Variants in GRM7 observed in about 807,000 individuals in gnomAD.
GRM7 encodes the protein glutamate metabotropic receptor 7.
GRM7 carries 35 observed loss-of-function variants against 84.5 expected under a neutral mutation model. That is an observed-to-expected ratio of 0.41 (90% confidence interval 0.32 to 0.55). The LOEUF (loss-of-function observed/expected upper bound fraction) is 0.55. GRM7 is among the 20% of genes least tolerant of loss of function. The probability of loss-of-function intolerance (pLI) is 0.19; values close to 1 mark genes in which losing one functional copy is unlikely to be tolerated. For missense variants in GRM7, 1,003 were observed against 1,194.6 expected (o/e 0.84, Z 2.36); for synonymous variants, 487 against 455.1 (o/e 1.07, Z -0.89).
chr3:7,481,728 G>A (rs1699136344), intron 7 of GRM7, among the ~76,000 whole-genome samples: 1 of 152,174 alleles, frequency 6.6e-6, no homozygotes, highest in Non-Finnish European at 1.5e-5. Flanking sequence ...TATTAATGTG[G>A]ATATTAAATG....
At chr3:6,956,988 T>C (rs1693079651) in intron 1 of GRM7, among the ~76,000 whole-genome samples, 1 of 152,212 alleles carries the variant, frequency 6.6e-6, no homozygotes, top group Non-Finnish European at 1.5e-5. Context: ...ATGCTGAATA[T>C]CTAAAAATAG....
In GRM7 at chr3:7,151,622, T is replaced by A. The variant is rs1261004664; in HGVS notation, c.736+4954T>A. On this transcript the variant is annotated intron_variant, in intron 2 of 9. Coordinates refer to ENST00000357716, the MANE Select transcript of GRM7 (RefSeq NM_000844.4). This position sits in a 1 kb window ranked among gnomAD's most constrained non-coding sequence, Gnocchi z 4.5. Reference sequence around the variant, plus strand: ...CCTGTGTTTCTATTATCTAAGATAATTCCTAGTACATAGAAAGCAGTCAAT... The same window carrying A: ...CCTGTGTTTCTATTATCTAAGATAAATCCTAGTACATAGAAAGCAGTCAAT... 6.6e-6 allele frequency among the ~76,000 whole-genome samples: 1 copy of A among 152,196 alleles called. No homozygotes were observed. Among genetic ancestry groups the A allele is most frequent in the East Asian group, 1.9e-4 (1 of 5,198 alleles).
chr3:6,875,800 G>C (rs1332619738), intron 1 of GRM7, among the ~76,000 whole-genome samples: 2 of 152,156 alleles, frequency 1.3e-5, no homozygotes, highest in African/African-American at 4.8e-5. Context: ...TGGTTTTCTA[G>C]AAAAGTAACA....
intron 2 of GRM7, among the ~76,000 whole-genome samples, chr3:7,264,820 G>A (rs1309647070): frequency 2.0e-5 from 3 of 151,656 alleles, no homozygotes; most frequent in African/African-American, 7.3e-5. Flanking sequence ...AGGCCACAAA[G>A]ACTACACCAG....
chr3:7,165,993 A>G (rs9834555), intron 2 of GRM7, among the ~76,000 whole-genome samples: 36,656 of 152,150 alleles, frequency 0.24, 5,111 homozygotes, highest in African/African-American at 0.39. Context: ...CTTGACTTTC[A>G]TCAATATGAA....
chr3:7,665,576 T>C (rs1018655388), intron 8 of GRM7, among the ~76,000 whole-genome samples: 3 of 152,322 alleles, frequency 2.0e-5, no homozygotes, highest in East Asian at 1.9e-4. Flanking sequence ...CAGTTCCCTT[T>C]AGAAATACTT....
intron 1 of GRM7, among the ~76,000 whole-genome samples, chr3:6,878,378 C>CATGTGTGTGTGTGTGT (rs58886076): frequency 4.2e-4 from 60 of 142,054 alleles, no homozygotes; most frequent in African/African-American, 1.5e-3. Flanking sequence ...TATGTGTTTG[C>CATGTGTGTGTGTGTGT]GTGTGTGTGT....
intron 1 of GRM7, among the ~76,000 whole-genome samples, chr3:6,978,989 A>C (rs762028429): frequency 6.6e-6 from 1 of 152,156 alleles, no homozygotes; most frequent in Non-Finnish European, 1.5e-5. Context: ...GAGAGTGTAT[A>C]CATGTTTCAG....
intron 5 of GRM7, among the ~76,000 whole-genome samples, chr3:7,446,466 T>C (rs1441560625): frequency 9.5e-6 from 1 of 104,792 alleles, no homozygotes; most frequent in Non-Finnish European, 1.9e-5. Context: ...TTTTTTTTGT[T>C]TTTTTTTTTT....
intron 8 of GRM7, among the ~76,000 whole-genome samples, chr3:7,661,280 A>G (rs1040783244): frequency 2.4e-4 from 36 of 152,232 alleles, no homozygotes; most frequent in Non-Finnish European, 1.0e-4. Context: ...GTAAAAAACA[A>G]CTGGGCAAAA....
chr3:6,956,139 A>G (rs1024138133), intron 1 of GRM7, among the ~76,000 whole-genome samples: 3 of 152,172 alleles, frequency 2.0e-5, no homozygotes, highest in African/African-American at 7.2e-5. Flanking sequence ...AACACATACA[A>G]CTAGCTTATT....
At chr3:7,475,361 G>A (rs550023992) in intron 7 of GRM7, among the ~76,000 whole-genome samples, 2 of 152,282 alleles carry the variant, frequency 1.3e-5, no homozygotes, top group East Asian at 3.9e-4. Context: ...AAGGTAACTG[G>A]CTTTTGGAAA....
intron 4 of GRM7, among the ~76,000 whole-genome samples, chr3:7,374,814 T>C (rs1013831802): frequency 2.0e-5 from 3 of 152,008 alleles, no homozygotes; most frequent in African/African-American, 7.2e-5. Flanking sequence ...TTAATGAGCA[T>C]GACATAGAGA....
At chr3:7,248,873 C>T (rs573690812) in intron 2 of GRM7, among the ~76,000 whole-genome samples, 6 of 152,180 alleles carry the variant, frequency 3.9e-5, no homozygotes, top group African/African-American at 1.2e-4. Flanking sequence ...GTAGCTGCTC[C>T]TATGATTGTT....
intron 1 of GRM7, among the ~76,000 whole-genome samples, chr3:7,116,090 A>G (rs1361209593): frequency 1.3e-5 from 2 of 152,146 alleles, no homozygotes; most frequent in African/African-American, 2.4e-5. Context: ...TGGATTCATT[A>G]TCAGCATATT....
At chr3:7,472,409 G>A (rs1698739732) in intron 7 of GRM7, among the ~76,000 whole-genome samples, 1 of 152,228 alleles carries the variant, frequency 6.6e-6, no homozygotes, top group Non-Finnish European at 1.5e-5. Flanking sequence ...GAGCTAGTCT[G>A]TTTGATAAAT....
At chr3:7,522,960 G>A (rs1444802463) in intron 7 of GRM7, among the ~76,000 whole-genome samples, 6 of 152,034 alleles carry the variant, frequency 3.9e-5, no homozygotes, top group East Asian at 1.9e-4. Context: ...CCCTTTGCAT[G>A]TAAGGATGCA....
chr3:7,128,978 C>T (rs990713239), intron 1 of GRM7, among the ~76,000 whole-genome samples: 1 of 152,140 alleles, frequency 6.6e-6, no homozygotes, highest in Non-Finnish European at 1.5e-5. Context: ...TAAACTTGCT[C>T]ATGTTAAAAT....
chr3:7,451,534 A>G (rs1470848581), intron 5 of GRM7, among the ~76,000 whole-genome samples: 1 of 152,154 alleles, frequency 6.6e-6, no homozygotes, highest in Non-Finnish European at 1.5e-5. Flanking sequence ...TGGAAGAATA[A>G]AGGAAAATAA....
Sources: allele counts gnomAD v4.1 joint callset (sites outside exome capture counted in the v4.1 genomes callset), GRCh38; gene constraint gnomAD v4.1.1; non-coding constraint Gnocchi (gnomAD v3.1); transcripts MANE v1.5; gene names NCBI Gene and HGNC (gene_info 2026-07-23, HGNC 2026-07-21).